The following ARHGAP24 variants were observed in gnomAD, a reference collection of about 807,000 sequenced individuals.
ARHGAP24 encodes Rho GTPase activating protein 24, also known as rho GTPase-activating protein 24.
A neutral mutation model predicts 76.4 loss-of-function variants in ARHGAP24; 50 were observed. That is an observed-to-expected ratio of 0.65 (90% CI 0.52 to 0.83). The LOEUF is 0.83. Ranked by LOEUF, ARHGAP24 falls within the 40% of genes least tolerant of loss-of-function variation. The probability of loss-of-function intolerance (pLI) is 0.00; values close to 1 mark genes in which losing one functional copy is unlikely to be tolerated. For synonymous variants in ARHGAP24, 345 were observed against 323.3 expected, an observed-to-expected ratio of 1.07 and a Z score of -0.72; for missense variants, 930 against 914.2, an observed-to-expected ratio of 1.02 and a Z score of -0.22.
chr4:85,582,413 T>G (rs1351551), intron 2 of ARHGAP24, among the ~76,000 whole-genome samples: 1 of 151,928 alleles, frequency 6.6e-6, no homozygotes, highest in Admixed American at 6.6e-5. Flanking sequence ...ATCTCCGTTT[T>G]TGACTCTTTA....
chr4:85,683,446 G>C (rs1471290394), intron 2 of ARHGAP24, among the ~76,000 whole-genome samples: 3 of 152,096 alleles, frequency 2.0e-5, no homozygotes, highest in Non-Finnish European at 4.4e-5. Flanking sequence ...TGAATTGTTT[G>C]ATTGCTCATT....
chr4:85,722,149 T>TCA, intron 3 of ARHGAP24, 177 bp downstream of exon 3: 2 of 589,748 alleles, frequency 3.4e-6, no homozygotes, highest in South Asian at 1.9e-5. Flanking sequence ...ATGAATGCAC[T>TCA]CACACACACA....
At chr4:85,655,523 T>A (rs1419432991) in intron 2 of ARHGAP24, among the ~76,000 whole-genome samples, 1 of 151,822 alleles carries the variant, frequency 6.6e-6, no homozygotes, top group Non-Finnish European at 1.5e-5. Context: ...TGGCCATGCC[T>A]GTAACCCCGG....
chr4:85,485,236 T>C (rs970261331), intron 1 of ARHGAP24, among the ~76,000 whole-genome samples: 92 of 145,526 alleles, frequency 6.3e-4, no homozygotes, highest in African/African-American at 2.3e-3. Flanking sequence ...TAGTCCCAGA[T>C]ACTCGGGAGG....
chr4:85,755,822 G>A (rs1257628243), intron 3 of ARHGAP24, among the ~76,000 whole-genome samples: 2 of 151,638 alleles, frequency 1.3e-5, no homozygotes, highest in East Asian at 3.9e-4. Context: ...TAGTAGAGAC[G>A]GGGTTTCACC....
intron 2 of ARHGAP24, among the ~76,000 whole-genome samples, chr4:85,610,834 T>C (rs1224466650): frequency 1.3e-5 from 2 of 152,216 alleles, no homozygotes; most frequent in Non-Finnish European, 2.9e-5. Context: ...TCTTACATTT[T>C]TACTTGAAGA....
chr4:85,730,986 GCACACACACACACACACA>G (rs200255967), intron 3 of ARHGAP24, among the ~76,000 whole-genome samples: 3 of 133,818 alleles, frequency 2.2e-5, no homozygotes, highest in African/African-American at 5.5e-5. Context: ...TAATATAACT[GCACACACACACACACACA>G]CACACACACA....
chr4:85,567,232 GT>G (rs1222039089), intron 1 of ARHGAP24, among the ~76,000 whole-genome samples: 3 of 152,214 alleles, frequency 2.0e-5, no homozygotes, highest in African/African-American at 7.2e-5. Context: ...TGAAATATGT[GT>G]GAGCATGTAC....
At chr4:85,778,707 G>A (rs1172033586) in intron 3 of ARHGAP24, 2 of 985,106 alleles carry the variant, frequency 2.0e-6, no homozygotes, top group South Asian at 9.4e-5. Context: ...CAATATATGG[G>A]ATGGGAGGAT....
chr4:85,860,420 A>C (rs1412608145), intron 3 of ARHGAP24, among the ~76,000 whole-genome samples: 2 of 152,124 alleles, frequency 1.3e-5, no homozygotes, highest in African/African-American at 4.8e-5. Flanking sequence ...ACATCTCTTC[A>C]TTACGGTTTA....
chr4:85,670,547 C>G (rs1416913993), intron 2 of ARHGAP24, among the ~76,000 whole-genome samples: 1 of 152,128 alleles, frequency 6.6e-6, no homozygotes, highest in Non-Finnish European at 1.5e-5. Context: ...TCTGTCTTCT[C>G]TTTGTGTCTC....
intron 3 of ARHGAP24, among the ~76,000 whole-genome samples, chr4:85,915,406 A>G (rs953005521): frequency 6.6e-6 from 1 of 152,202 alleles, no homozygotes; most frequent in African/African-American, 2.4e-5. Flanking sequence ...TTGAAAGATA[A>G]ATCAGTCATC....
At chr4:85,488,268 G>T (rs1021154848) in intron 1 of ARHGAP24, among the ~76,000 whole-genome samples, 8 of 151,894 alleles carry the variant, frequency 5.3e-5, no homozygotes, top group Admixed American at 1.3e-4. Context: ...GTGGAGAGGG[G>T]GAAAAGGGAG....
intron 3 of ARHGAP24, among the ~76,000 whole-genome samples, chr4:85,736,193 A>C (rs2624022): frequency 0.94 from 143,020 of 152,246 alleles, 67,854 homozygotes; most frequent in East Asian, 1. Context: ...GATGTCTTAA[A>C]CCACTTTGAA....
intron 1 of ARHGAP24, among the ~76,000 whole-genome samples, chr4:85,531,214 A>G (rs541570989): frequency 6.6e-6 from 1 of 152,192 alleles, no homozygotes; most frequent in East Asian, 1.9e-4. Context: ...TCAACAACAG[A>G]AATGTACATC....
rs60635375 is a variant in ARHGAP24, at chr4:85,750,485, CTTTTTTTTTTTT to C, written c.268+28532_268+28543del. 2.8e-4 allele frequency among the ~76,000 whole-genome samples: 17 copies of C among 61,640 alleles called. No individual in the cohort carries two copies. The South Asian group carries it at 3.3e-3, about 12-fold the overall frequency. 40.4% of individuals were successfully genotyped at this position (61,640 alleles called of 152,430 possible). On this transcript the variant is annotated intron_variant, in intron 3 of 9. Coordinates refer to ENST00000395184, the MANE Select transcript of ARHGAP24 (RefSeq NM_001025616.3). ...GGGATTAACATGACTCTTTTCATTC[CTTTTTTTTTTTT>C]TTTTTTTTTTTTTTTTTTGAGACAG...
intron 1 of ARHGAP24, among the ~76,000 whole-genome samples, chr4:85,558,863 A>G (rs1023407104): frequency 6.6e-6 from 1 of 152,336 alleles, no homozygotes; most frequent in African/African-American, 2.4e-5. Context: ...CCCACTTGTA[A>G]AATATTTTCT....
At chr4:85,513,352 A>G (rs1724356845) in intron 1 of ARHGAP24, among the ~76,000 whole-genome samples, 3 of 152,282 alleles carry the variant, frequency 2.0e-5, no homozygotes, top group Admixed American at 1.3e-4. Flanking sequence ...TTTTGCTGCC[A>G]TGTTTGTCCA....
intron 3 of ARHGAP24, among the ~76,000 whole-genome samples, chr4:85,815,192 C>G (rs766499537): frequency 9.9e-5 from 15 of 152,132 alleles, no homozygotes; most frequent in Non-Finnish European, 1.9e-4. Flanking sequence ...GGAGGGGCTG[C>G]CATGAAGACC....
Sources: allele counts gnomAD v4.1 joint callset (sites outside exome capture counted in the v4.1 genomes callset), GRCh38; gene constraint gnomAD v4.1.1; transcripts MANE v1.5; gene names NCBI Gene and HGNC (gene_info 2026-07-23, HGNC 2026-07-21).